Variants in THSD4 observed in about 807,000 individuals in gnomAD.
THSD4 encodes thrombospondin type 1 domain containing 4.
THSD4 carries 69 observed loss-of-function variants against 119.0 expected under a neutral mutation model. The observed-to-expected ratio is 0.58, with a 90% CI of 0.48 to 0.71. THSD4 has a LOEUF of 0.71. Ranked by LOEUF, THSD4 falls within the 30% of genes least tolerant of loss-of-function variation. The pLI is 0.00. For synonymous variants in THSD4, 524 were observed against 540.4 expected, an observed-to-expected ratio of 0.97 and a Z score of 0.42; for missense variants, 1,393 against 1,391.1, an observed-to-expected ratio of 1.00 and a Z score of -0.02.
chr15:71,195,117 T>G (rs565634419), intron 3 of THSD4, among the ~76,000 whole-genome samples: 3 of 152,220 alleles, frequency 2.0e-5, no homozygotes, highest in East Asian at 3.9e-4. Flanking sequence ...TTGTAGAGGG[T>G]AGAAAAGCAA....
intron 5 of THSD4, among the ~76,000 whole-genome samples, chr15:71,254,380 C>A (rs1279862511): frequency 6.6e-6 from 1 of 152,130 alleles, no homozygotes. Context: ...TTTGCTCTAG[C>A]ACTCTGTGAT....
Position 71,435,503 on chromosome 15 carries a change from A to G in THSD4, c.1152+23680A>G, listed in dbSNP as rs142065056. Among the ~76,000 whole-genome samples, 221 of 152,314 alleles carry G rather than the reference A, an allele frequency of 1.5e-3. 1 individual carries two copies. Among genetic ancestry groups the G allele is most frequent in the African/African-American group, 5.1e-3 (212 of 41,572 alleles). ...TCTTTTAAATTTAGAGAATTTCTTTATCTCATAAGTGACTCAAGCCAAAAA... is the reference window on the plus strand; with the variant it reads ...TCTTTTAAATTTAGAGAATTTCTTTGTCTCATAAGTGACTCAAGCCAAAAA... On this transcript the variant is annotated intron_variant, in intron 7 of 17. Transcript: ENST00000261862.
chr15:71,309,973 TA>T (rs1763011433), intron 6 of THSD4, among the ~76,000 whole-genome samples: 1 of 152,208 alleles, frequency 6.6e-6, no homozygotes, highest in South Asian at 2.1e-4. Context: ...TCTCCACCTG[TA>T]TAGCTTGTCT....
chr15:71,445,873 C>G (rs1056134943), intron 7 of THSD4, among the ~76,000 whole-genome samples: 1 of 152,140 alleles, frequency 6.6e-6, no homozygotes, highest in African/African-American at 2.4e-5. Flanking sequence ...TTTTGTACAT[C>G]AAAGCATTAA....
At chr15:71,182,626 C>G (rs543055466) in intron 3 of THSD4, among the ~76,000 whole-genome samples, 1 of 151,840 alleles carries the variant, frequency 6.6e-6, no homozygotes, top group East Asian at 1.9e-4. Context: ...ACAGTTAAAA[C>G]AAAGTTTTGA....
chr15:71,210,046 C>T (rs761097956), intron 3 of THSD4, among the ~76,000 whole-genome samples: 17 of 152,238 alleles, frequency 1.1e-4, no homozygotes, highest in African/African-American at 3.9e-4. Flanking sequence ...AGCATGAAAA[C>T]GGATTAATAC....
chr15:71,483,980 C>A (rs1028008843), intron 7 of THSD4, among the ~76,000 whole-genome samples: 1 of 152,190 alleles, frequency 6.6e-6, no homozygotes, highest in African/African-American at 2.4e-5. Context: ...AGACACCATT[C>A]ATTCTGCCTA....
At position 71,491,965 on chromosome 15, in the gene THSD4, A is replaced by T. The variant is rs148995082; in HGVS notation, c.1152+80142A>T. 5.1e-3 allele frequency among the ~76,000 whole-genome samples: 779 copies of T among 152,356 alleles called. 8 individuals carry two copies. Among genetic ancestry groups the T allele is most frequent in the South Asian group, 0.043 (207 of 4,824 alleles). ...AGCAGTACAAATGGACTAAGACAGT[A>T]TCTTATTTTTGCTTGCCTGCCTTTG... On this transcript the variant is annotated intron_variant, in intron 7 of 17. Coordinates refer to ENST00000261862, the MANE Select transcript of THSD4 (RefSeq NM_024817.3).
intron 6 of THSD4, among the ~76,000 whole-genome samples, chr15:71,344,195 C>A (rs146477654): frequency 6.6e-6 from 1 of 151,956 alleles, no homozygotes; most frequent in African/African-American, 2.4e-5. Flanking sequence ...CCCGCCACCA[C>A]GCCCGACTAA....
chr15:71,424,806 G>A (rs1398876726), intron 7 of THSD4, among the ~76,000 whole-genome samples: 2 of 152,146 alleles, frequency 1.3e-5, no homozygotes, highest in South Asian at 2.1e-4. Context: ...GTTTGGGGGT[G>A]TATGTATTAT....
chr15:71,355,276 C>A (rs1218621193), intron 6 of THSD4, among the ~76,000 whole-genome samples: 1 of 152,188 alleles, frequency 6.6e-6, no homozygotes, highest in Non-Finnish European at 1.5e-5. Context: ...TTAATCCTGG[C>A]CTGCTTACAC....
intron 3 of THSD4, among the ~76,000 whole-genome samples, chr15:71,204,286 A>G (rs2043826451): frequency 6.6e-6 from 1 of 152,198 alleles, no homozygotes; most frequent in South Asian, 2.1e-4. Context: ...TATGCAGATC[A>G]CATCCAAATA....
chr15:71,550,070 T>C (rs1020078707), intron 7 of THSD4, among the ~76,000 whole-genome samples: 1 of 152,230 alleles, frequency 6.6e-6, no homozygotes, highest in Non-Finnish European at 1.5e-5. Flanking sequence ...AACAGTGAGA[T>C]CATGAGAATC....
intron 6 of THSD4, among the ~76,000 whole-genome samples, chr15:71,324,130 G>T (rs2045310232): frequency 6.6e-6 from 1 of 151,330 alleles, no homozygotes; most frequent in Admixed American, 6.6e-5. Context: ...CTCTGTATCT[G>T]TTTATATATT....
chr15:71,328,878 G>T (rs943079138), intron 6 of THSD4, among the ~76,000 whole-genome samples: 1 of 152,226 alleles, frequency 6.6e-6, no homozygotes, highest in African/African-American at 2.4e-5. Flanking sequence ...GCAAGACCAA[G>T]CTTTGCGGTT....
intron 6 of THSD4, among the ~76,000 whole-genome samples, chr15:71,408,585 C>T (rs2046639512): frequency 6.6e-6 from 1 of 152,158 alleles, no homozygotes; most frequent in South Asian, 2.1e-4. Context: ...GGGGCAGAGG[C>T]TTATGCCTGT....
intron 10 of THSD4, chr15:71,733,242 A>G (rs2053017244): frequency 6.6e-6 from 1 of 152,180 alleles, no homozygotes; most frequent in Admixed American, 6.6e-5. Flanking sequence ...AAGCAGGGGC[A>G]TTGTCACCAG....
intron 8 of THSD4, among the ~76,000 whole-genome samples, chr15:71,661,505 C>A (rs1398712483): frequency 1.3e-5 from 2 of 151,728 alleles, no homozygotes; most frequent in Non-Finnish European, 2.9e-5. Context: ...AAATGATTCT[C>A]CTGCCTCAGC....
intron 8 of THSD4, among the ~76,000 whole-genome samples, chr15:71,715,186 G>A (rs1340645111): frequency 1.3e-5 from 2 of 152,094 alleles, no homozygotes; most frequent in Non-Finnish European, 2.9e-5. Flanking sequence ...CCAAAGTTTG[G>A]GTTCATTTGT....
Sources: gnomAD v4.1 joint callset for allele counts (sites outside exome capture counted in the v4.1 genomes callset) on GRCh38, gnomAD v4.1.1 for gene constraint, MANE v1.5 for transcripts, NCBI Gene and HGNC (gene_info 2026-07-23, HGNC 2026-07-21) for gene names.